The following KIF13A variants were observed in gnomAD, a reference collection of about 807,000 sequenced individuals.
KIF13A encodes kinesin-like protein KIF13A.
A neutral mutation model predicts 212.2 loss-of-function variants in KIF13A; 79 were observed. The observed-to-expected ratio is 0.37, with a 90% CI of 0.31 to 0.45. The LOEUF is 0.45. KIF13A is among the 20% of genes least tolerant of loss of function. The pLI is 1.00. For missense variants in KIF13A, 1,901 were observed against 2,209.0 expected (o/e 0.86, Z 2.79); for synonymous variants, 789 against 808.6 (o/e 0.98, Z 0.41).
intron 2 of KIF13A, among the ~76,000 whole-genome samples, chr6:17,964,433 T>C (rs997287468): frequency 6.6e-6 from 1 of 152,084 alleles, no homozygotes; most frequent in Non-Finnish European, 1.5e-5. Context: ...TTATTCTCTA[T>C]TGCCCTCAAA....
chr6:17,921,736 C>G (rs1322256354), intron 2 of KIF13A, among the ~76,000 whole-genome samples: 1 of 152,120 alleles, frequency 6.6e-6, no homozygotes, highest in Non-Finnish European at 1.5e-5. Flanking sequence ...AACAAAAACT[C>G]TTGGTGTCGT....
intron 2 of KIF13A, chr6:17,953,447 A>T (rs1778054587): frequency 6.6e-6 from 1 of 152,194 alleles, no homozygotes. Context: ...AAATCTTTAA[A>T]GCCCCAGATG....
chr6:17,888,895 T>TA lies in KIF13A; in HGVS notation c.159+9272dup, dbSNP rs1262255558. ...ATAATAATATATTTAACCAAATATATAAAAAATCTTATATTCTTTTTCTTT... is the reference window on the plus strand; with the variant it reads ...ATAATAATATATTTAACCAAATATATAAAAAAATCTTATATTCTTTTTCTTT... On this transcript the variant is annotated intron_variant, in intron 3 of 38. Transcript: ENST00000259711. The surrounding 1 kb of genome is among the most constrained non-coding windows in gnomAD (Gnocchi z 4.8). Among the ~76,000 whole-genome samples, 2 of 152,082 alleles carry TA rather than the reference T, an allele frequency of 1.3e-5. No homozygotes were observed.
chr6:17,791,409 T>G (rs905848343), intron 25 of KIF13A, among the ~76,000 whole-genome samples: 2 of 151,102 alleles, frequency 1.3e-5, no homozygotes, highest in Non-Finnish European at 2.9e-5. Flanking sequence ...TAAAACACTG[T>G]GACAACAACA....
chr6:17,761,727 G>C (rs966209026), downstream of KIF13A, among the ~76,000 whole-genome samples: 4 of 152,144 alleles, frequency 2.6e-5, no homozygotes, highest in African/African-American at 9.7e-5. Flanking sequence ...CCATCATCTT[G>C]ATATAACATG....
rs1160105394 is a variant in KIF13A, at chr6:17,888,774, G to A, written c.159+9394C>T. 2.0e-5 allele frequency among the ~76,000 whole-genome samples: 3 copies of A among 152,054 alleles called. No individual in the cohort carries two copies. The highest frequency in any genetic ancestry group is 6.6e-5 in the Admixed American group (1 of 15,264). On this transcript the variant is annotated intron_variant, in intron 3 of 38. Coordinates refer to ENST00000259711, the MANE Select transcript of KIF13A (RefSeq NM_022113.6). The surrounding 1 kb of genome is among the most constrained non-coding windows in gnomAD (Gnocchi z 4.8). The stretch of plus-strand genomic sequence containing the variant: ...TAGGAGGTGGAGGTTGCAGTGAGCC[G>A]AGACTGTGCCACTGCACTCCAGCCT...
intron 2 of KIF13A, among the ~76,000 whole-genome samples, chr6:17,932,818 C>T (rs1410365123): frequency 6.8e-6 from 1 of 147,352 alleles, no homozygotes; most frequent in Non-Finnish European, 1.5e-5. Context: ...AAAAAAAAAA[C>T]TGGGGTAAGT....
chr6:17,766,608 G>A (rs1023053096), intron 38 of KIF13A, among the ~76,000 whole-genome samples: 11 of 151,966 alleles, frequency 7.2e-5, no homozygotes, highest in Non-Finnish European at 1.5e-4. Context: ...AGGTTGGTGT[G>A]CAGTGATGCA....
chr6:17,799,877 C>T lies in KIF13A; in HGVS notation c.2616+75G>A. The T allele has an allele frequency of 6.5e-7, 1 of 1,530,182 alleles. No individual in the cohort carries two copies. The highest frequency in any genetic ancestry group is 8.9e-7 in the Non-Finnish European group (1 of 1,126,612). The allele number at this position is 1,530,182 out of a possible 1,614,324, so 94.8% of individuals were successfully genotyped here. A position where few individuals can be genotyped will look rare whatever the true frequency, so the allele number is the denominator to read the frequency against. On this transcript the variant is annotated intron_variant, in intron 21 of 38. Transcript: ENST00000259711. This position sits in a 1 kb window ranked among gnomAD's most constrained non-coding sequence, Gnocchi z 4.4. Reference sequence around the variant, plus strand: ...CTTTTACTACCCTGGATGAAAAACTCTCATAAGATTTTTTGTAAAATGGTT... The same window carrying T: ...CTTTTACTACCCTGGATGAAAAACTTTCATAAGATTTTTTGTAAAATGGTT...
rs1781206025 is a variant in KIF13A at position 17,982,843 on chromosome 6, A to G, written c.146+4211T>C. Among the ~76,000 whole-genome samples, 1 of 152,226 alleles carries G rather than the reference A, an allele frequency of 6.6e-6. No individual in the cohort carries two copies. The highest frequency in any genetic ancestry group is 2.1e-4 in the South Asian group (1 of 4,834). ...CTACCATTCACACTGAATGTAAAAAAGAATGAGTAAGTCTTAATATGCTGA... is the reference window on the plus strand; with the variant it reads ...CTACCATTCACACTGAATGTAAAAAGGAATGAGTAAGTCTTAATATGCTGA... On this transcript the variant is annotated intron_variant, in intron 2 of 38. Coordinates refer to ENST00000259711, the MANE Select transcript of KIF13A (RefSeq NM_022113.6). The surrounding 1 kb of genome is among the most constrained non-coding windows in gnomAD (Gnocchi z 5.1).
At chr6:17,896,031 G>C (rs1342647184) in intron 3 of KIF13A, among the ~76,000 whole-genome samples, 2 of 152,060 alleles carry the variant, frequency 1.3e-5, no homozygotes, top group Non-Finnish European at 2.9e-5. Flanking sequence ...ATTGGTTCTA[G>C]AACCCCCATG....
intron 3 of KIF13A, among the ~76,000 whole-genome samples, chr6:17,890,481 C>G (rs1771943622): frequency 1.3e-5 from 2 of 152,078 alleles, no homozygotes; most frequent in Non-Finnish European, 2.9e-5. Flanking sequence ...GGACACTTCC[C>G]TGTACCTATC....
At chr6:17,960,273 A>C (rs944378830) in intron 2 of KIF13A, among the ~76,000 whole-genome samples, 3 of 152,230 alleles carry the variant, frequency 2.0e-5, no homozygotes, top group Non-Finnish European at 4.4e-5. Context: ...TGAGAGTAGC[A>C]AAAAGAGAGC....
At chr6:17,800,627 G>A (rs1762398639) in intron 20 of KIF13A, among the ~76,000 whole-genome samples, 1 of 146,238 alleles carries the variant, frequency 6.8e-6, no homozygotes, top group Admixed American at 7.0e-5. Context: ...TTGAGACAAT[G>A]TCTAGCTCTG....
Position 17,772,520 on chromosome 6 carries a change from C to T in KIF13A, c.4325-461G>A, listed in dbSNP as rs1013155346. On this transcript the variant is annotated intron_variant, in intron 36 of 38. Transcript: ENST00000259711. This position sits in a 1 kb window ranked among gnomAD's most constrained non-coding sequence, Gnocchi z 4.8. ...GAATAGACATAAATCTGTGATGTCA[C>T]AAAGAGTTACTACAGTGCTAGTCTG... Among the ~76,000 whole-genome samples the T allele has an allele frequency of 6.6e-6, 1 of 152,232 alleles. No individual in the cohort carries two copies. Among genetic ancestry groups the T allele is most frequent in the African/African-American group, 2.4e-5 (1 of 41,470 alleles).
chr6:17,774,909 G>A, intron 35 of KIF13A, 106 bp downstream of exon 35: 3 of 721,374 alleles, frequency 4.2e-6, no homozygotes, highest in Middle Eastern at 2.4e-4. Context: ...TTTTTAAACT[G>A]ACAGGATCAA....
chr6:17,886,753 G>C lies in KIF13A; in HGVS notation c.159+11415C>G, dbSNP rs1771577309. 6.6e-6 allele frequency among the ~76,000 whole-genome samples: 1 copy of C among 152,062 alleles called. No homozygotes were observed. Among genetic ancestry groups the C allele is most frequent in the South Asian group, 2.1e-4 (1 of 4,824 alleles). On this transcript the variant is annotated intron_variant, in intron 3 of 38. Coordinates refer to ENST00000259711, the MANE Select transcript of KIF13A (RefSeq NM_022113.6). This position sits in a 1 kb window ranked among gnomAD's most constrained non-coding sequence, Gnocchi z 5.6. ...GGAGGTGGAGGTTGCAGTGAGTTAA[G>C]ATCATGCCATTGCACTCCAGCCTGG...
rs9477527 is a variant in KIF13A at position 17,787,564 on chromosome 6, T to C, written c.3361+212A>G. Among the ~76,000 whole-genome samples the C allele has an allele frequency of 2.4e-3, 364 of 152,140 alleles. No individual in the cohort carries two copies. The highest frequency in any genetic ancestry group is 7.7e-3 in the African/African-American group (319 of 41,492). On this transcript the variant is annotated intron_variant, in intron 27 of 38. Coordinates refer to ENST00000259711, the MANE Select transcript of KIF13A (RefSeq NM_022113.6). The surrounding 1 kb of genome is among the most constrained non-coding windows in gnomAD (Gnocchi z 4.6). ...TACTCAGGAGGCTGAGGCAGGAGGA[T>C]CTCTTGAGGCCAGGAGTTAGAGGCT...
chr6:17,766,320 A>G (rs1008724232), intron 38 of KIF13A, among the ~76,000 whole-genome samples: 1 of 149,540 alleles, frequency 6.7e-6, no homozygotes, highest in Non-Finnish European at 1.5e-5. Context: ...GCTCACCGCA[A>G]CCTCCATCTC....
Sources: gnomAD v4.1 joint callset for allele counts (sites outside exome capture counted in the v4.1 genomes callset) on GRCh38, gnomAD v4.1.1 for gene constraint, Gnocchi (gnomAD v3.1) non-coding constraint, MANE v1.5 for transcripts, NCBI Gene and HGNC (gene_info 2026-07-23, HGNC 2026-07-21) for gene names.